Variants in GUCA1C observed in about 807,000 individuals in gnomAD.
GUCA1C encodes guanylyl cyclase-activating protein 3.
In GUCA1C, 15 loss-of-function variants were observed where a neutral mutation model predicts 16.2. The ratio of observed to expected loss-of-function variants is 0.93; its 90% confidence interval spans 0.62 to 1.43. The LOEUF (loss-of-function observed/expected upper bound fraction) is 1.43. Ranked by LOEUF, GUCA1C falls within the 40% of genes most tolerant of loss-of-function variation. The probability of loss-of-function intolerance (pLI) is 0.00; values close to 1 mark genes in which losing one functional copy is unlikely to be tolerated. For missense variants in GUCA1C, 275 were observed against 244.8 expected, an observed-to-expected ratio of 1.12 and a Z score of -0.82; for synonymous variants, 78 against 85.4, an observed-to-expected ratio of 0.91 and a Z score of 0.48.
intron 1 of GUCA1C, among the ~76,000 whole-genome samples, chr3:108,927,076 T>C (rs536522760): frequency 6.0e-4 from 91 of 152,092 alleles, no homozygotes; most frequent in Non-Finnish European, 1.1e-3. Flanking sequence ...TTCTAGCTTG[T>C]AGGGTTTCTG....
chr3:108,923,280 C>A (rs1946587225), intron 1 of GUCA1C, among the ~76,000 whole-genome samples: 1 of 152,112 alleles, frequency 6.6e-6, no homozygotes, highest in Non-Finnish European at 1.5e-5. Context: ...GTGTTATCTT[C>A]TAGAATCTTT....
intron 1 of GUCA1C, among the ~76,000 whole-genome samples, chr3:108,938,424 C>A (rs1263710560): frequency 6.6e-6 from 1 of 151,942 alleles, no homozygotes; most frequent in South Asian, 2.1e-4. Flanking sequence ...AGTAAGGAAA[C>A]CCAGACGGCT....
At chr3:108,940,835 AC>A (rs1318509614) in intron 1 of GUCA1C, among the ~76,000 whole-genome samples, 6 of 152,236 alleles carry the variant, frequency 3.9e-5, no homozygotes, top group Non-Finnish European at 8.8e-5. Flanking sequence ...GCATTATTTC[AC>A]ATGAGCTCAA....
chr3:108,933,019 T>A (rs1041259827), intron 1 of GUCA1C, among the ~76,000 whole-genome samples: 19 of 151,604 alleles, frequency 1.3e-4, no homozygotes, highest in African/African-American at 4.6e-4. Context: ...TACATATGAG[T>A]TGCAAGAAAT....
At chr3:108,909,749 T>G (rs951307498) in intron 3 of GUCA1C, among the ~76,000 whole-genome samples, 1 of 152,218 alleles carries the variant, frequency 6.6e-6, no homozygotes, top group Non-Finnish European at 1.5e-5. Flanking sequence ...GTTTTTTCAC[T>G]TTCTTCAAAA....
At chr3:108,928,362 T>C (rs1231975680) in intron 1 of GUCA1C, among the ~76,000 whole-genome samples, 1 of 152,204 alleles carries the variant, frequency 6.6e-6, no homozygotes, top group Non-Finnish European at 1.5e-5. Context: ...ATCAGCTATG[T>C]TTTTTGCAGA....
chr3:108,955,005 T>G (rs906342676), upstream of GUCA1C, among the ~76,000 whole-genome samples: 1 of 152,178 alleles, frequency 6.6e-6, no homozygotes, highest in African/African-American at 2.4e-5. Flanking sequence ...GTGCTGGGAT[T>G]ACAGGCACAA....
At chr3:108,933,529 T>G (rs1224912003) in intron 1 of GUCA1C, among the ~76,000 whole-genome samples, 1 of 152,154 alleles carries the variant, frequency 6.6e-6, no homozygotes, top group African/African-American at 2.4e-5. Context: ...AAATAAAAAC[T>G]ATATGGAGAC....
At chr3:108,953,938 G>T (rs940519893), upstream of GUCA1C, 60 of 587,282 alleles carry the variant, frequency 1.0e-4, no homozygotes, top group African/African-American at 8.4e-4. Flanking sequence ...TAACTTATCT[G>T]CCCAGTTTTA....
rs1472714740 is a variant in GUCA1C, at chr3:108,916,164, G to C, written c.405C>G (p.Ile135Met). 6.2e-7 allele frequency: 1 copy of C among 1,613,238 alleles called. No individual in the cohort carries two copies. The highest frequency in any genetic ancestry group is 8.5e-7 in the Non-Finnish European group (1 of 1,179,234). ...TATCGATCTTATGGAACACCAAGTT[G>C]ATGAATTCTTCAGGACTCAGAGTTT... is the stretch of plus-strand genomic sequence containing the variant. ...GQQTLSPEEF[I>M]NLVFHKIDIN... is the part of the protein sequence containing the mutation. The change falls in exon 3 of 4, where the codon ATC becomes ATG. Residue 135 changes from isoleucine to methionine, a missense_variant. Physicochemically the swap from Ile to Met is conservative, Grantham distance 10. Transcript: ENST00000261047.
intron 1 of GUCA1C, among the ~76,000 whole-genome samples, chr3:108,928,115 G>C (rs111465719): frequency 5.9e-5 from 9 of 152,342 alleles, no homozygotes; most frequent in African/African-American, 2.2e-4. Context: ...GCATCTCAGG[G>C]AGACTGCAGT....
intron 1 of GUCA1C, among the ~76,000 whole-genome samples, chr3:108,949,314 T>C (rs1357680418): frequency 6.6e-6 from 1 of 152,156 alleles, no homozygotes; most frequent in African/African-American, 2.4e-5. Context: ...GAGCCAGCTG[T>C]CAGACCATGG....
intron 1 of GUCA1C, among the ~76,000 whole-genome samples, chr3:108,932,896 T>A (rs1427122007): frequency 5.4e-5 from 6 of 111,462 alleles, no homozygotes; most frequent in African/African-American, 1.1e-4. Context: ...CACTCCAGCC[T>A]GGGCCACAAG....
chr3:108,921,227 C>G (rs1946566713), intron 1 of GUCA1C, among the ~76,000 whole-genome samples: 1 of 152,088 alleles, frequency 6.6e-6, no homozygotes, highest in African/African-American at 2.4e-5. Context: ...GCGTCTTTCA[C>G]TTAGTAATAT....
At chr3:108,952,319 GT>G (rs1010250877) in intron 1 of GUCA1C, among the ~76,000 whole-genome samples, 21 of 152,298 alleles carry the variant, frequency 1.4e-4, no homozygotes, top group African/African-American at 4.8e-4. Flanking sequence ...AGCGGAATCT[GT>G]CACATTTTCC....
intron 3 of GUCA1C, among the ~76,000 whole-genome samples, chr3:108,914,125 T>C (rs1344242880): frequency 3.3e-5 from 5 of 152,144 alleles, no homozygotes; most frequent in Non-Finnish European, 7.4e-5. Flanking sequence ...GTGTATTTAG[T>C]TTTATAAACT....
intron 3 of GUCA1C, among the ~76,000 whole-genome samples, chr3:108,910,314 T>C (rs1203740409): frequency 1.3e-5 from 2 of 151,818 alleles, no homozygotes; most frequent in African/African-American, 4.8e-5. Flanking sequence ...CTGGCCAACA[T>C]AGTGGAACCC....
At chr3:108,929,538 T>G (rs1413412916) in intron 1 of GUCA1C, among the ~76,000 whole-genome samples, 1 of 152,164 alleles carries the variant, frequency 6.6e-6, no homozygotes, top group Non-Finnish European at 1.5e-5. Context: ...CTGATCTCAG[T>G]GGGAAAGCTC....
At chr3:108,918,932 A>G (rs139407300) in intron 2 of GUCA1C, among the ~76,000 whole-genome samples, 2,123 of 152,296 alleles carry the variant, frequency 0.014, 56 homozygotes, top group African/African-American at 0.049. Flanking sequence ...ATTCTGTGAT[A>G]TAAATCACAG....
Sources: allele counts gnomAD v4.1 joint callset (sites outside exome capture counted in the v4.1 genomes callset), GRCh38; gene constraint gnomAD v4.1.1; transcripts MANE v1.5; gene names NCBI Gene and HGNC (gene_info 2026-07-23, HGNC 2026-07-21).